The following DCLK2 variants were observed in gnomAD, a reference collection of about 807,000 sequenced individuals.
DCLK2 encodes the protein serine/threonine-protein kinase DCLK2.
DCLK2 carries 31 observed loss-of-function variants against 78.4 expected under a neutral mutation model. The ratio of observed to expected loss-of-function variants is 0.40; its 90% CI spans 0.30 to 0.53. The LOEUF (loss-of-function observed/expected upper bound fraction) is 0.53. Among genes scored for constraint, DCLK2 ranks in the 20% least tolerant of loss-of-function variants. The probability of loss-of-function intolerance (pLI) is 0.61; values close to 1 mark genes in which losing one functional copy is unlikely to be tolerated. For missense variants in DCLK2, 872 were observed against 973.7 expected (o/e 0.90, Z 1.39); for synonymous variants, 407 against 374.9 (o/e 1.09, Z -0.99).
chr4:150,092,945 C>T (rs187365920), intron 1 of DCLK2, among the ~76,000 whole-genome samples: 8 of 152,182 alleles, frequency 5.3e-5, no homozygotes, highest in Non-Finnish European at 1.2e-4. Context: ...GCAAGAACAA[C>T]TTGGCAAGAA....
chr4:150,127,533 C>T (rs1733004195), intron 2 of DCLK2, among the ~76,000 whole-genome samples: 1 of 152,094 alleles, frequency 6.6e-6, no homozygotes, highest in Admixed American at 6.6e-5. Context: ...GAGTCTGTGT[C>T]CTTTGACATA....
At chr4:150,202,270 T>A (rs1364603894) in intron 4 of DCLK2, among the ~76,000 whole-genome samples, 1 of 152,214 alleles carries the variant, frequency 6.6e-6, no homozygotes, top group Non-Finnish European at 1.5e-5. Flanking sequence ...TCAGGGCTGT[T>A]GAATACTCTT....
rs1742145511 is a variant in DCLK2 at position 150,232,389 on chromosome 4, A to G, written c.1352A>G (p.Asn451Ser). ...ATACTGCGCCGAGTGAAACATCCCA[A>G]TATCATTATGCTGGTCGAGGAGATG... ...VSILRRVKHP[N>S]IIMLVEEMET... Residue 451 changes from asparagine (N) to serine (S), a missense_variant, in exon 9 of 16, where the codon AAT becomes AGT. By Grantham distance (46) the Asn-to-Ser change is conservative. Transcript: ENST00000296550. 2 of 1,614,020 alleles carry G rather than the reference A, an allele frequency of 1.2e-6. No individual in the cohort carries two copies. Among genetic ancestry groups the G allele is most frequent in the Admixed American group, 1.7e-5 (1 of 60,002 alleles).
At chr4:150,206,545 G>A (rs1739855106) in intron 5 of DCLK2, among the ~76,000 whole-genome samples, 1 of 151,968 alleles carries the variant, frequency 6.6e-6, no homozygotes, top group Admixed American at 6.6e-5. Context: ...ACTTCCTCTG[G>A]GTTTTCTTTT....
At chr4:150,228,651 A>G (rs1022616293) in intron 8 of DCLK2, among the ~76,000 whole-genome samples, 12 of 152,230 alleles carry the variant, frequency 7.9e-5, no homozygotes, top group Non-Finnish European at 1.5e-4. Flanking sequence ...AGGGGAGGTG[A>G]CTTAGAAGAG....
chr4:150,166,768 A>G lies in DCLK2; in HGVS notation c.757-26370A>G, dbSNP rs564452940. Reference sequence around the variant, plus strand: ...CTTTTTGTTCATGCAATCTTTGTGCACTGTCATGAAGAGGTGGGTGCTTGC... The same window carrying G: ...CTTTTTGTTCATGCAATCTTTGTGCGCTGTCATGAAGAGGTGGGTGCTTGC... On this transcript the variant is annotated intron_variant, in intron 2 of 15. Transcript: ENST00000296550. Among the ~76,000 whole-genome samples, 8 of 152,238 alleles carry G rather than the reference A, an allele frequency of 5.3e-5. No individual in the cohort carries two copies. In the East Asian group the frequency reaches 1.5e-3, roughly 29 times the overall value.
intron 3 of DCLK2, among the ~76,000 whole-genome samples, chr4:150,197,517 G>GCTGAGGCGGGTGTACCGC (rs1739139348): frequency 6.6e-6 from 1 of 152,160 alleles, no homozygotes; most frequent in African/African-American, 2.4e-5. Context: ...ACTTTGGGAG[G>GCTGAGGCGGGTGTACCGC]CTGAGGCGGG....
At chr4:150,213,437 T>G (rs1740456426) in intron 5 of DCLK2, among the ~76,000 whole-genome samples, 1 of 152,194 alleles carries the variant, frequency 6.6e-6, no homozygotes, top group Admixed American at 6.5e-5. Context: ...AAATCCAATA[T>G]GAAAATAATA....
chr4:150,190,237 AG>A, intron 2 of DCLK2, among the ~76,000 whole-genome samples: 1 of 10,504 alleles, frequency 9.5e-5, no homozygotes, highest in African/African-American at 3.5e-4. Flanking sequence ...ATGGATAGTT[AG>A]ATAGATAGAT....
At chr4:150,130,117 C>G (rs1045951301) in intron 2 of DCLK2, among the ~76,000 whole-genome samples, 1 of 152,100 alleles carries the variant, frequency 6.6e-6, no homozygotes, top group South Asian at 2.1e-4. Flanking sequence ...TTTGAGCAAA[C>G]ATCCAGTCTA....
intron 15 of DCLK2, chr4:150,253,292 C>A: frequency 1.6e-6 from 1 of 627,288 alleles, no homozygotes; most frequent in Non-Finnish European, 2.8e-6. Flanking sequence ...TAGTGTCAAC[C>A]GTCTGGAGGT....
intron 6 of DCLK2, among the ~76,000 whole-genome samples, chr4:150,221,286 A>G (rs1741166123): frequency 6.6e-6 from 1 of 150,876 alleles, no homozygotes; most frequent in African/African-American, 2.4e-5. Context: ...TGAAGATTAA[A>G]TTCCCACCAC....
chr4:150,113,465 T>C (rs914036971), intron 2 of DCLK2, among the ~76,000 whole-genome samples: 1 of 152,174 alleles, frequency 6.6e-6, no homozygotes. Flanking sequence ...TGTTTCTTTC[T>C]GATTCAAGCT....
intron 2 of DCLK2, among the ~76,000 whole-genome samples, chr4:150,161,336 T>G (rs529266911): frequency 3.6e-4 from 55 of 152,310 alleles, no homozygotes; most frequent in Middle Eastern, 3.4e-3. Flanking sequence ...TACTGGTGAA[T>G]CAGACACCTG....
At chr4:150,152,482 A>G (rs1188118791) in intron 2 of DCLK2, among the ~76,000 whole-genome samples, 1 of 152,088 alleles carries the variant, frequency 6.6e-6, no homozygotes, top group African/African-American at 2.4e-5. Flanking sequence ...GGGTTTCACC[A>G]TGTTGGCCAG....
At chr4:150,200,474 A>G (rs1401769631) in intron 4 of DCLK2, among the ~76,000 whole-genome samples, 1 of 152,238 alleles carries the variant, frequency 6.6e-6, no homozygotes, top group African/African-American at 2.4e-5. Flanking sequence ...TACTATATTT[A>G]TCTGTATAGT....
At chr4:150,190,050 A>G (rs1009441304) in intron 2 of DCLK2, among the ~76,000 whole-genome samples, 1 of 143,382 alleles carries the variant, frequency 7.0e-6, no homozygotes, top group Non-Finnish European at 1.5e-5. Context: ...AAAAAAAAAA[A>G]AGGCCAAGTG....
intron 2 of DCLK2, among the ~76,000 whole-genome samples, chr4:150,191,312 C>G (rs1738433112): frequency 6.6e-6 from 1 of 151,806 alleles, no homozygotes; most frequent in Non-Finnish European, 1.5e-5. Context: ...CGTGATCACC[C>G]AGTCATACCT....
chr4:150,222,611 T>C (rs988246259), intron 7 of DCLK2, among the ~76,000 whole-genome samples: 5 of 151,808 alleles, frequency 3.3e-5, no homozygotes, highest in Non-Finnish European at 5.9e-5. Flanking sequence ...TTTGGGAGGC[T>C]GAGGTGTGTG....
Sources: allele counts gnomAD v4.1 joint callset (sites outside exome capture counted in the v4.1 genomes callset), GRCh38; gene constraint gnomAD v4.1.1; transcripts MANE v1.5; gene names NCBI Gene and HGNC (gene_info 2026-07-23, HGNC 2026-07-21).